The following C3orf85 variants were observed in gnomAD, a reference collection of about 807,000 sequenced individuals.
C3orf85 encodes the protein uncharacterized protein C3orf85.
In C3orf85, 1 loss-of-function variant was observed where a neutral mutation model predicts 1.7. The observed-to-expected ratio is 0.60, with a 90% CI of 0.21 to 2.86. The LOEUF (loss-of-function observed/expected upper bound fraction) is 2.86, where lower values mean the gene tolerates loss of function less well. Among genes scored for constraint, C3orf85 ranks in the 30% most tolerant of loss-of-function variants. C3orf85 has a pLI of 0.22. For missense variants in C3orf85, 29 were observed against 21.3 expected, an observed-to-expected ratio of 1.36 and a Z score of -0.72; for synonymous variants, 17 against 8.0, an observed-to-expected ratio of 2.13 and a Z score of -1.90.
chr3:109,144,508 T>A (rs991232703), intron 2 of C3orf85, among the ~76,000 whole-genome samples: 4 of 152,156 alleles, frequency 2.6e-5, no homozygotes, highest in Non-Finnish European at 4.4e-5. Flanking sequence ...AGGTAGGTGG[T>A]TTGTCCTAGG....
At chr3:109,147,050 GA>G (rs578078541) in intron 2 of C3orf85, among the ~76,000 whole-genome samples, 62 of 152,120 alleles carry the variant, frequency 4.1e-4, no homozygotes, top group African/African-American at 1.2e-3. Flanking sequence ...TTAAGATACT[GA>G]AACACATCAT....
chr3:109,137,656 T>TATATATATAC (rs1706694675), intron 2 of C3orf85, among the ~76,000 whole-genome samples: 1 of 143,438 alleles, frequency 7.0e-6, no homozygotes, highest in South Asian at 2.2e-4. Context: ...TATATATATA[T>TATATATATAC]ATATATATAT....
chr3:109,137,901 G>T (rs1706698095), intron 2 of C3orf85, among the ~76,000 whole-genome samples: 1 of 151,972 alleles, frequency 6.6e-6, no homozygotes, highest in African/African-American at 2.4e-5. Context: ...AGAGCACATT[G>T]TAATTTAAAG....
intron 2 of C3orf85, among the ~76,000 whole-genome samples, chr3:109,138,879 G>C (rs1706708505): frequency 6.6e-6 from 1 of 152,082 alleles, no homozygotes; most frequent in Non-Finnish European, 1.5e-5. Flanking sequence ...TGAACATTTA[G>C]GTCAAGAATT....
intron 2 of C3orf85, among the ~76,000 whole-genome samples, chr3:109,144,367 T>TC (rs1706773165): frequency 6.6e-6 from 1 of 152,226 alleles, no homozygotes; most frequent in African/African-American, 2.4e-5. Flanking sequence ...GTGAGTCATT[T>TC]CATCTCTGCA....
intron 2 of C3orf85, among the ~76,000 whole-genome samples, chr3:109,138,343 G>A (rs1399077315): frequency 2.0e-5 from 3 of 152,216 alleles, no homozygotes; most frequent in Non-Finnish European, 4.4e-5. Context: ...ACTGCTTGCA[G>A]ATTGAGGAGA....
chr3:109,149,441 G>A (rs1706843367), intron 3 of C3orf85: 1 of 159,792 alleles, frequency 6.3e-6, no homozygotes, highest in Non-Finnish European at 1.4e-5. Flanking sequence ...CAAGACATTT[G>A]TTTATTTGGT....
rs1706848584 is a variant in C3orf85, at chr3:109,149,843, G to A, written c.222G>A (p.Gln74=). ...ETWIALKTTA[Q]YYLDMNTFTF... ...GGATTGCTTTGAAAACAACAGCACA[G>A]TATTATTTGGATATGAATACCTTCA... Residue 74 remains glutamine (Q), a synonymous_variant, in exon 4 of 4, where the codon CAG becomes CAA. Transcript: ENST00000622536. 2.5e-6 allele frequency: 1 copy of A among 398,388 alleles called. No homozygotes were observed. 24.7% of individuals were successfully genotyped at this position (398,388 alleles called of 1,614,324 possible).
At chr3:109,143,766 G>A (rs941153077) in intron 2 of C3orf85, among the ~76,000 whole-genome samples, 7 of 152,190 alleles carry the variant, frequency 4.6e-5, no homozygotes, top group Admixed American at 1.3e-4. Context: ...TGGAAGTGTA[G>A]GAATAAGAAG....
At chr3:109,137,637 G>GTGTGTGTGTATA (rs751674362) in intron 2 of C3orf85, among the ~76,000 whole-genome samples, 2 of 79,906 alleles carry the variant, frequency 2.5e-5, no homozygotes, top group African/African-American at 3.7e-5. Context: ...GTGTGTGTGT[G>GTGTGTGTGTATA]TATATATATA....
chr3:109,143,357 T>C (rs1484484920), intron 2 of C3orf85, among the ~76,000 whole-genome samples: 1 of 152,248 alleles, frequency 6.6e-6, no homozygotes, highest in Non-Finnish European at 1.5e-5. Context: ...TTTTTCAGCT[T>C]TCTGTGGGTG....
intron 2 of C3orf85, among the ~76,000 whole-genome samples, chr3:109,138,708 GA>G (rs951359603): frequency 2.6e-5 from 4 of 152,130 alleles, no homozygotes; most frequent in African/African-American, 9.7e-5. Flanking sequence ...CAAAAACAAT[GA>G]AAGGCCTTAT....
rs1039884398 is a variant in C3orf85, at chr3:109,150,859, C to T, written c.*965C>T. ...CCTTTTAAGGTAAATGGAAACATTT[C>T]CCTAAGACCTTAGTTGATCTTATGT... On this transcript the variant is annotated 3_prime_UTR_variant, in exon 4 of 4. Transcript: ENST00000622536. Among the ~76,000 whole-genome samples, 1 of 152,152 alleles carries T rather than the reference C, an allele frequency of 6.6e-6. No homozygotes were observed. The highest frequency in any genetic ancestry group is 6.5e-5 in the Admixed American group (1 of 15,274).
intron 2 of C3orf85, among the ~76,000 whole-genome samples, chr3:109,146,627 T>A (rs1202259686): frequency 1.3e-5 from 2 of 152,170 alleles, no homozygotes; most frequent in Non-Finnish European, 2.9e-5. Context: ...CCTTGTCATG[T>A]GGTCTTCTCC....
chr3:109,148,467 ATG>A (rs758172827), intron 3 of C3orf85, 81 bp downstream of exon 3: 87 of 697,084 alleles, frequency 1.2e-4, no homozygotes, highest in Non-Finnish European at 2.1e-4. Context: ...TAATTAACAC[ATG>A]ACTAGCCTAG....
chr3:109,150,596 T>A lies in C3orf85; in HGVS notation c.*702T>A, dbSNP rs1272722842. The A allele has an allele frequency of 6.6e-6, 1 of 152,222 alleles. No homozygotes were observed. Among genetic ancestry groups the A allele is most frequent in the Non-Finnish European group, 1.5e-5 (1 of 68,034 alleles). 9.4% of individuals were successfully genotyped at this position (152,222 alleles called of 1,614,324 possible). ...TGACTCACTGGCCAGGCACATTTTATAATTTTTTCAATTAAAACTGAAAAA... is the reference window on the plus strand; with the variant it reads ...TGACTCACTGGCCAGGCACATTTTAAAATTTTTTCAATTAAAACTGAAAAA... On this transcript the variant is annotated 3_prime_UTR_variant, in exon 4 of 4. Transcript: ENST00000622536.
Position 109,148,266 on chromosome 3 carries a change from G to C in C3orf85, c.63G>C (p.Ala21=), listed in dbSNP as rs561405125. 2.8e-6 allele frequency: 2 copies of C among 701,950 alleles called. No homozygotes were observed. Among genetic ancestry groups the C allele is most frequent in the South Asian group, 1.5e-5 (1 of 67,486 alleles). 43.5% of individuals were successfully genotyped at this position (701,950 alleles called of 1,614,324 possible). Residue 21 remains alanine, a synonymous_variant, in exon 3 of 4, where the codon GCG becomes GCC. Coordinates refer to ENST00000622536, the MANE Select transcript of C3orf85 (RefSeq NM_001351622.2). The part of the protein sequence containing the change: ...CSTLLIGALG[A]PFLLEDPANQ... ...TCTAAATTGCAGGAGCATTGGGAGC[G>C]CCATTTTTGTTGGAAGACCCTGCAA...
At chr3:109,147,614 A>C (rs1706814385) in intron 2 of C3orf85, among the ~76,000 whole-genome samples, 1 of 152,326 alleles carries the variant, frequency 6.6e-6, no homozygotes, top group East Asian at 1.9e-4. Context: ...TTTAAAAATT[A>C]TCATCTCTTT....
intron 2 of C3orf85, among the ~76,000 whole-genome samples, chr3:109,139,971 C>T (rs1257194092): frequency 6.6e-6 from 1 of 152,152 alleles, no homozygotes; most frequent in Admixed American, 6.6e-5. Flanking sequence ...GTCAGCATCC[C>T]CAATCCCTTT....
Sources: allele counts gnomAD v4.1 joint callset (sites outside exome capture counted in the v4.1 genomes callset), GRCh38; gene constraint gnomAD v4.1.1; transcripts MANE v1.5; gene names NCBI Gene and HGNC (gene_info 2026-07-23, HGNC 2026-07-21).